Variants in XPO5 observed in about 807,000 individuals in gnomAD.
The protein encoded by XPO5 is exportin-5.
XPO5 carries 46 observed loss-of-function variants against 160.6 expected under a neutral mutation model. The observed-to-expected ratio is 0.29, with a 90% CI of 0.23 to 0.37. The LOEUF is 0.37. Among genes scored for constraint, XPO5 ranks in the 10% least tolerant of loss-of-function variants. The pLI is 1.00. For missense variants in XPO5, 1,090 were observed against 1,463.9 expected, an observed-to-expected ratio of 0.74 and a Z score of 4.17; for synonymous variants, 537 against 519.3, an observed-to-expected ratio of 1.03 and a Z score of -0.46.
At chr6:43,568,473 G>A (rs1029099817) in intron 6 of XPO5, among the ~76,000 whole-genome samples, 4 of 152,062 alleles carry the variant, frequency 2.6e-5, no homozygotes, top group African/African-American at 4.8e-5. Context: ...GGGCATGGTG[G>A]TGCGCACCTA....
intron 14 of XPO5, among the ~76,000 whole-genome samples, chr6:43,552,999 C>A (rs766427286): frequency 1.3e-5 from 2 of 151,956 alleles, no homozygotes; most frequent in Non-Finnish European, 2.9e-5. Flanking sequence ...AGATGTACAT[C>A]CATAGATTTT....
Position 43,570,500 on chromosome 6 carries a change from A to C in XPO5, c.621+2T>G. On this transcript the variant is annotated splice_donor_variant, in intron 5 of 31. Transcript: ENST00000265351. LOFTEE classifies it high-confidence loss of function. ...AATGTTATAGGTAGGGGTATCCCTT[A>C]CCACTTGCTGATACTTGTTTACATT... 1 of 1,612,846 alleles carries C rather than the reference A, an allele frequency of 6.2e-7. No individual in the cohort carries two copies. The highest frequency in any genetic ancestry group is 8.5e-7 in the Non-Finnish European group (1 of 1,179,438).
chr6:43,562,410 T>G, intron 8 of XPO5, 64 bp from the exon 9 acceptor site: 4 of 1,176,172 alleles, frequency 3.4e-6, no homozygotes, highest in Non-Finnish European at 4.9e-6. Flanking sequence ...AAACATCACT[T>G]TGTGTCTCAT....
chr6:43,550,374 C>T (rs180885197), intron 15 of XPO5, among the ~76,000 whole-genome samples: 4 of 152,328 alleles, frequency 2.6e-5, no homozygotes. Flanking sequence ...ACTGGGCATT[C>T]TCCAACTCAA....
In XPO5 at chr6:43,549,870, A is replaced by G. The variant is rs757412459; in HGVS notation, c.1770+23T>C. 6.9e-6 allele frequency: 11 copies of G among 1,598,550 alleles called. No individual in the cohort carries two copies. The East Asian group carries it at 2.2e-4, about 32-fold the overall frequency. On this transcript the variant is annotated intron_variant, in intron 16 of 31. Transcript: ENST00000265351. The stretch of plus-strand genomic sequence containing the variant: ...ATTTGTACTCAAGAAGTTAGAATCT[A>G]TTGGTTTAATTAATGGTCTTACCTT...
intron 20 of XPO5, among the ~76,000 whole-genome samples, chr6:43,541,614 A>C (rs1161423760): frequency 1.3e-5 from 2 of 149,734 alleles, no homozygotes; most frequent in African/African-American, 5.1e-5. Context: ...ACCTGAGGCA[A>C]TCGCCAATGT....
chr6:43,522,932 T>TGGAAGGCATGTATTCTTTTG lies in XPO5; in HGVS notation c.*935_*936insCAAAAGAATACATGCCTTCC. ...CATGTATTCTTTTGGAAATGGCCTT[T>TGGAAGGCATGTATTCTTTTG]GAGAAAAGTAACCAGGGACCTGAAA... On this transcript the variant is annotated 3_prime_UTR_variant, in exon 32 of 32. Coordinates refer to ENST00000265351, the MANE Select transcript of XPO5 (RefSeq NM_020750.3). 5.9e-6 allele frequency: 1 copy of TGGAAGGCATGTATTCTTTTG among 168,856 alleles called. No homozygotes were observed. Among genetic ancestry groups the TGGAAGGCATGTATTCTTTTG allele is most frequent in the Admixed American group, 6.2e-5 (1 of 16,072 alleles). The allele number at this position is 168,856 out of a possible 1,614,324, so 10.5% of individuals were successfully genotyped here. A position where few individuals can be genotyped will look rare whatever the true frequency, so the allele number is the denominator to read the frequency against.
At chr6:43,568,065 T>C (rs1297093110) in intron 6 of XPO5, among the ~76,000 whole-genome samples, 1 of 151,520 alleles carries the variant, frequency 6.6e-6, no homozygotes, top group Admixed American at 6.6e-5. Context: ...TCCCAGCACT[T>C]TGGGAAGCTG....
chr6:43,533,458 T>C (rs1340647415), intron 21 of XPO5: 5 of 156,770 alleles, frequency 3.2e-5, no homozygotes, highest in African/African-American at 4.8e-5. Context: ...ATAGAGCTTA[T>C]AGGAACTCCA....
At chr6:43,556,986 G>T (rs1380120302) in intron 12 of XPO5, among the ~76,000 whole-genome samples, 2 of 152,056 alleles carry the variant, frequency 1.3e-5, no homozygotes, top group African/African-American at 2.4e-5. Context: ...CAATTAGCTG[G>T]GCATGGTGGT....
intron 20 of XPO5, chr6:43,539,598 G>A (rs1582212642): frequency 7.2e-6 from 10 of 1,381,580 alleles, no homozygotes; most frequent in East Asian, 7.1e-5. Flanking sequence ...CTGCGACCCC[G>A]GCCCCGGATG....
At chr6:43,548,061 C>T (rs1378472367) in intron 18 of XPO5, among the ~76,000 whole-genome samples, 200 bp downstream of exon 18, 1 of 152,196 alleles carries the variant, frequency 6.6e-6, no homozygotes, top group Non-Finnish European at 1.5e-5. Context: ...CCACAGGAGT[C>T]TCACTCTGTG....
chr6:43,573,670 A>C, intron 1 of XPO5, 69 bp from the exon 2 acceptor site: 1 of 1,530,858 alleles, frequency 6.5e-7, no homozygotes, highest in South Asian at 1.2e-5. Flanking sequence ...ATTTCATCTT[A>C]AGAAACTCCA....
chr6:43,566,435 T>A (rs1046107235), intron 7 of XPO5, among the ~76,000 whole-genome samples: 8 of 152,084 alleles, frequency 5.3e-5, no homozygotes, highest in Non-Finnish European at 8.8e-5. Context: ...TGGGCAATAA[T>A]GCTGATATGA....
At chr6:43,570,808 G>A in intron 4 of XPO5, 49 bp downstream of exon 4, 1 of 1,555,806 alleles carries the variant, frequency 6.4e-7, no homozygotes, top group Non-Finnish European at 8.7e-7. Context: ...AAACCCTGAA[G>A]TTTGTTCCAA....
intron 1 of XPO5, among the ~76,000 whole-genome samples, chr6:43,575,497 A>G (rs1763264985): frequency 6.6e-6 from 1 of 151,948 alleles, no homozygotes; most frequent in Admixed American, 6.6e-5. Flanking sequence ...GGAAAGGGGG[A>G]GGAGAGGGCT....
rs763409104 is a variant in XPO5, at chr6:43,568,722, G to A, written c.637C>T (p.Gln213Ter). 6.3e-7 allele frequency: 1 copy of A among 1,578,342 alleles called. No individual in the cohort carries two copies. The highest frequency in any genetic ancestry group is 8.6e-7 in the Non-Finnish European group (1 of 1,160,124). Residue 213 changes from glutamine to a stop codon, truncating the protein, a stop_gained, in exon 6 of 32, where the codon CAG becomes TAG. Transcript: ENST00000265351. LOFTEE classifies it high-confidence loss of function. ...KYQQVKTDTSQESKAQANCRV... is the reference protein window; with the variant it reads ...KYQQVKTDTS ...TAAAGAGCTCTTACCTTTGACTCCT[G>A]AGAAGTATCTGTCTTCTGAAAGGAA...
At chr6:43,528,952 G>C (rs1294320776) in intron 23 of XPO5, 27 bp from the exon 24 acceptor site, 2 of 1,598,578 alleles carry the variant, frequency 1.3e-6, no homozygotes, top group Non-Finnish European at 1.7e-6. Context: ...AGAAATTTTA[G>C]TGCATAGGCA....
chr6:43,525,719 GA>G (rs1793541777), intron 28 of XPO5, 119 bp downstream of exon 28: 1 of 1,064,628 alleles, frequency 9.4e-7, no homozygotes, highest in Non-Finnish European at 1.3e-6. Flanking sequence ...TTGGAACCAG[GA>G]ACTTATGTAA....
Sources: gnomAD v4.1 joint callset for allele counts (sites outside exome capture counted in the v4.1 genomes callset) on GRCh38, gnomAD v4.1.1 for gene constraint, MANE v1.5 for transcripts, NCBI Gene and HGNC (gene_info 2026-07-23, HGNC 2026-07-21) for gene names.